The following DOCK4 variants were observed in gnomAD, a reference collection of about 807,000 sequenced individuals.
DOCK4 encodes the protein dedicator of cytokinesis protein 4.
In DOCK4, 97 loss-of-function variants were observed where a neutral mutation model predicts 268.1. That is an observed-to-expected ratio of 0.36 (90% CI 0.31 to 0.43). DOCK4 has a LOEUF of 0.43. Ranked by LOEUF, DOCK4 falls within the 20% of genes least tolerant of loss-of-function variation. The pLI, the probability that DOCK4 is intolerant of heterozygous loss-of-function variation, is 1.00. For synonymous variants in DOCK4, 954 were observed against 887.2 expected, an observed-to-expected ratio of 1.08 and a Z score of -1.34; for missense variants, 2,145 against 2,455.7, an observed-to-expected ratio of 0.87 and a Z score of 2.67.
intron 1 of DOCK4, among the ~76,000 whole-genome samples, chr7:112,057,527 G>A (rs1210778706): frequency 2.6e-5 from 4 of 151,200 alleles, no homozygotes; most frequent in Non-Finnish European, 5.9e-5. Flanking sequence ...CTCCAGCTTG[G>A]GTGACAAAAC....
At position 112,064,716 on chromosome 7, in the gene DOCK4, C is replaced by G. The variant is rs1275105717; in HGVS notation, c.38-60585G>C. 5.3e-5 allele frequency among the ~76,000 whole-genome samples: 8 copies of G among 152,308 alleles called. No homozygotes were observed. In the East Asian group the frequency reaches 1.2e-3, roughly 22 times the overall value. ...GACTCAGAAGTTGAAATCCTAACCT[C>G]AATACCTCAGAATGTGACTATATTT... On this transcript the variant is annotated intron_variant, in intron 1 of 52. Coordinates refer to ENST00000428084, the MANE Select transcript of DOCK4 (RefSeq NM_001363540.2).
At chr7:112,056,301 A>G (rs1320550807) in intron 1 of DOCK4, among the ~76,000 whole-genome samples, 1 of 152,240 alleles carries the variant, frequency 6.6e-6, no homozygotes, top group African/African-American at 2.4e-5. Flanking sequence ...AAGAAGAGCC[A>G]CTGAGGCACA....
Position 111,959,497 on chromosome 7 carries a change from GATGT to G in DOCK4, c.702-13703_702-13700del, listed in dbSNP as rs1796697038. Among the ~76,000 whole-genome samples, 3 of 152,158 alleles carry G rather than the reference GATGT, an allele frequency of 2.0e-5. No individual in the cohort carries two copies. In the South Asian group the frequency reaches 6.2e-4, roughly 32 times the overall value. Reference sequence around the variant, plus strand: ...TGCGATCATGCTATACATTTTAAATGATGTATGAGACGAGAAATACTAGCACAGT... The same window carrying G: ...TGCGATCATGCTATACATTTTAAATGATGAGACGAGAAATACTAGCACAGT... On this transcript the variant is annotated intron_variant, in intron 8 of 52. Coordinates refer to ENST00000428084, the MANE Select transcript of DOCK4 (RefSeq NM_001363540.2).
chr7:112,193,468 G>A (rs746011142), intron 1 of DOCK4, among the ~76,000 whole-genome samples: 1 of 151,792 alleles, frequency 6.6e-6, no homozygotes, highest in Non-Finnish European at 1.5e-5. Context: ...GTGTGGTGGT[G>A]CATGCCTATA....
At position 111,760,254 on chromosome 7, in the gene DOCK4, G is replaced by T. The variant is rs368980000; in HGVS notation, c.4089C>A (p.Asn1363Lys). Reference protein sequence around the residue: ...RLEAFQQRMLNEFPHAIAMQH... With the variant: ...RLEAFQQRMLKEFPHAIAMQH... The stretch of plus-strand genomic sequence containing the variant: ...GCATGGCGATGGCATGGGGGAACTC[G>T]TTCAGCATTCTCTGTTGGAAGGCTT... The change falls in exon 40 of 53, where the codon AAC becomes AAA. Residue 1363 changes from asparagine (N) to lysine (K), a missense_variant. Physicochemically the swap from Asn to Lys is moderately conservative, Grantham distance 94 (BLOSUM62 0). Around this residue, in one of 2 missense-constraint regions of DOCK4, gnomAD observed 1,598 missense variants for 1,986.7 expected, o/e 0.80. Coordinates refer to ENST00000428084, the MANE Select transcript of DOCK4 (RefSeq NM_001363540.2). 1 of 1,613,954 alleles carries T rather than the reference G, an allele frequency of 6.2e-7. No homozygotes were observed. The highest frequency in any genetic ancestry group is 1.7e-5 in the Admixed American group (1 of 60,020).
chr7:111,906,733 C>T (rs1328287539), intron 13 of DOCK4, among the ~76,000 whole-genome samples: 2 of 151,970 alleles, frequency 1.3e-5, no homozygotes, highest in Non-Finnish European at 2.9e-5. Flanking sequence ...GGGGAAGGGT[C>T]AGAATTAGAG....
intron 41 of DOCK4, among the ~76,000 whole-genome samples, chr7:111,755,960 C>T (rs985589136): frequency 6.6e-6 from 1 of 152,176 alleles, no homozygotes; most frequent in Non-Finnish European, 1.5e-5. Context: ...GAAGGGTCAG[C>T]CAGTCAATGT....
At position 111,944,814 on chromosome 7, in the gene DOCK4, T is replaced by C. The variant is rs1562922109; in HGVS notation, c.841A>G (p.Ile281Val). 4 of 1,613,824 alleles carry C rather than the reference T, an allele frequency of 2.5e-6. No homozygotes were observed. The South Asian group carries it at 3.3e-5, about 13-fold the overall frequency. Reference sequence around the variant, plus strand: ...CACTGACAAGTGTTATACCTACCGATTCGGATAATGTGCACGGTGATATAA... The same window carrying C: ...CACTGACAAGTGTTATACCTACCGACTCGGATAATGTGCACGGTGATATAA... ...DIYITVHIIR[I>V]GRMGAGEKKN... Residue 281 changes from isoleucine (I) to valine (V), a missense_variant, in exon 10 of 53, where the codon ATC (isoleucine) becomes GTC (valine). Physicochemically the swap from Ile to Val is conservative, Grantham distance 29. Coordinates refer to ENST00000428084, the MANE Select transcript of DOCK4 (RefSeq NM_001363540.2).
At chr7:111,741,003 T>C (rs927029481) in intron 47 of DOCK4, 91 bp downstream of exon 47, 2 of 1,483,434 alleles carry the variant, frequency 1.3e-6, no homozygotes, top group Non-Finnish European at 1.8e-6. Flanking sequence ...TGCTTGTTGG[T>C]CTGTTCATCA....
chr7:112,109,018 C>T (rs1376740777), intron 1 of DOCK4, among the ~76,000 whole-genome samples: 2 of 152,064 alleles, frequency 1.3e-5, no homozygotes, highest in East Asian at 3.9e-4. Context: ...TTTCCCCTAT[C>T]CTAACCCCAT....
At chr7:111,918,593 G>A (rs916175469) in intron 12 of DOCK4, among the ~76,000 whole-genome samples, 3 of 152,178 alleles carry the variant, frequency 2.0e-5, no homozygotes, top group African/African-American at 7.2e-5. Context: ...TGTCCCAGCA[G>A]CTATTTCTCC....
At chr7:112,057,941 G>C (rs1805986059) in intron 1 of DOCK4, among the ~76,000 whole-genome samples, 1 of 149,908 alleles carries the variant, frequency 6.7e-6, no homozygotes, top group Non-Finnish European at 1.5e-5. Flanking sequence ...TTTTGTAAGT[G>C]CTTTATTTTA....
chr7:112,185,584 G>C (rs1453858830), intron 1 of DOCK4, among the ~76,000 whole-genome samples: 1 of 150,810 alleles, frequency 6.6e-6, no homozygotes, highest in Non-Finnish European at 1.5e-5. Context: ...AAGGAAGTCA[G>C]AACATGGGTC....
intron 1 of DOCK4, among the ~76,000 whole-genome samples, chr7:112,084,727 TAC>T (rs1808906306): frequency 1.3e-5 from 2 of 152,086 alleles, no homozygotes; most frequent in Non-Finnish European, 2.9e-5. Flanking sequence ...TTCATGTTTG[TAC>T]AGAGTGAAGT....
intron 16 of DOCK4, among the ~76,000 whole-genome samples, chr7:111,889,461 C>T (rs1438131709): frequency 2.0e-5 from 3 of 152,032 alleles, no homozygotes. Context: ...TTCAGATTCC[C>T]CTCATCTTTT....
chr7:111,747,689 C>T (rs1409181369), intron 42 of DOCK4, among the ~76,000 whole-genome samples: 2 of 152,188 alleles, frequency 1.3e-5, no homozygotes, highest in African/African-American at 4.8e-5. Context: ...ATCAATTCTA[C>T]ATTAGCACTG....
At chr7:112,073,488 T>C (rs1269088560) in intron 1 of DOCK4, among the ~76,000 whole-genome samples, 7 of 152,144 alleles carry the variant, frequency 4.6e-5, no homozygotes, top group Middle Eastern at 3.4e-3. Flanking sequence ...TTACAGATAA[T>C]AAAATGTAAT....
chr7:112,186,384 G>C (rs1354918635), intron 1 of DOCK4, among the ~76,000 whole-genome samples: 1 of 152,182 alleles, frequency 6.6e-6, no homozygotes, highest in Non-Finnish European at 1.5e-5. Flanking sequence ...AACCAAATCA[G>C]AGTTCCACAA....
chr7:112,007,883 G>A (rs1443976038), intron 1 of DOCK4, among the ~76,000 whole-genome samples: 4 of 152,072 alleles, frequency 2.6e-5, no homozygotes, highest in East Asian at 3.9e-4. Context: ...AAGTGTTTCT[G>A]CATGAAATAC....
Sources: gnomAD v4.1 joint callset for allele counts (sites outside exome capture counted in the v4.1 genomes callset) on GRCh38, gnomAD v4.1.1 for gene constraint, gnomAD v4.1.1 regional missense constraint, MANE v1.5 for transcripts, NCBI Gene and HGNC (gene_info 2026-07-23, HGNC 2026-07-21) for gene names.